Variants in KCNIP1 observed in about 807,000 individuals in gnomAD.
KCNIP1 encodes the protein potassium voltage-gated channel interacting protein 1, also known as A-type potassium channel modulatory protein KCNIP1.
Under a neutral mutation model 33.0 loss-of-function variants are expected in KCNIP1, and 18 were observed. That is an observed-to-expected ratio of 0.55 (90% CI 0.38 to 0.81). The LOEUF is 0.81. KCNIP1 is among the 30% of genes least tolerant of loss of function. KCNIP1 has a pLI of 0.00. For missense variants in KCNIP1, 238 were observed against 271.6 expected, an observed-to-expected ratio of 0.88 and a Z score of 0.87; for synonymous variants, 93 against 98.3, an observed-to-expected ratio of 0.95 and a Z score of 0.32.
chr5:170,387,841 C>T (rs1764540326), intron 1 of KCNIP1, among the ~76,000 whole-genome samples: 1 of 152,216 alleles, frequency 6.6e-6, no homozygotes, highest in Non-Finnish European at 1.5e-5. Context: ...CCAGGACCTG[C>T]AAGGGTCACT....
chr5:170,656,942 T>C (rs140164184), intron 1 of KCNIP1, among the ~76,000 whole-genome samples: 1 of 151,962 alleles, frequency 6.6e-6, no homozygotes, highest in African/African-American at 2.4e-5. Flanking sequence ...TGGCTGACCA[T>C]GTGCACAGAC....
intron 1 of KCNIP1, among the ~76,000 whole-genome samples, chr5:170,399,558 T>C (rs76808847): frequency 0.089 from 13,537 of 152,230 alleles, 712 homozygotes; most frequent in Middle Eastern, 0.22. Flanking sequence ...TCAATCAAGA[T>C]TCAATATCCT....
chr5:170,397,465 C>CA (rs1189222201), intron 1 of KCNIP1, among the ~76,000 whole-genome samples: 2 of 151,588 alleles, frequency 1.3e-5, no homozygotes, highest in Non-Finnish European at 2.9e-5. Context: ...TAGGTAAGAG[C>CA]AAAAAAAGAG....
At chr5:170,547,457 G>A (rs1240666881) in intron 1 of KCNIP1, among the ~76,000 whole-genome samples, 2 of 152,074 alleles carry the variant, frequency 1.3e-5, no homozygotes, top group Non-Finnish European at 2.9e-5. Context: ...GGGGTTTGTT[G>A]AACAGATTAT....
chr5:170,469,958 G>A (rs1387009153), intron 1 of KCNIP1, among the ~76,000 whole-genome samples: 3 of 152,302 alleles, frequency 2.0e-5, no homozygotes, highest in South Asian at 2.1e-4. Context: ...AGGGACAGCA[G>A]AGGTTCACGT....
chr5:170,697,639 C>T (rs888899141), intron 1 of KCNIP1, among the ~76,000 whole-genome samples: 4 of 152,176 alleles, frequency 2.6e-5, no homozygotes, highest in African/African-American at 7.2e-5. Context: ...AGAGCCTAGC[C>T]CTCTAATGCA....
intron 1 of KCNIP1, among the ~76,000 whole-genome samples, chr5:170,684,322 C>A (rs1762467934): frequency 6.6e-6 from 1 of 152,180 alleles, no homozygotes; most frequent in Admixed American, 6.5e-5. Context: ...AGGAGGCTAG[C>A]AGTTTGAAAT....
At chr5:170,567,960 C>T (rs1198166286) in intron 1 of KCNIP1, among the ~76,000 whole-genome samples, 3 of 152,160 alleles carry the variant, frequency 2.0e-5, no homozygotes, top group East Asian at 1.9e-4. Flanking sequence ...CAGGATGGCT[C>T]GGGTGTGTGG....
intron 1 of KCNIP1, among the ~76,000 whole-genome samples, chr5:170,667,961 C>T (rs1305302318): frequency 1.3e-5 from 2 of 152,162 alleles, no homozygotes; most frequent in Non-Finnish European, 2.9e-5. Flanking sequence ...TTTACAGAAT[C>T]TCATTGGCTC....
chr5:170,573,784 G>A (rs1317601991), intron 1 of KCNIP1, among the ~76,000 whole-genome samples: 1 of 152,262 alleles, frequency 6.6e-6, no homozygotes, highest in Non-Finnish European at 1.5e-5. Context: ...AGACAGTGGA[G>A]TTGAGTCATT....
intron 1 of KCNIP1, among the ~76,000 whole-genome samples, chr5:170,367,612 G>A (rs539200237): frequency 1.0e-3 from 152 of 152,220 alleles, no homozygotes; most frequent in African/African-American, 3.2e-3. Flanking sequence ...TAAAACCAAA[G>A]GAGACCTCTC....
At chr5:170,453,192 C>A (rs191140415) in intron 1 of KCNIP1, among the ~76,000 whole-genome samples, 3 of 152,290 alleles carry the variant, frequency 2.0e-5, no homozygotes, top group Non-Finnish European at 4.4e-5. Context: ...CCTGAAGGAG[C>A]ATTTGCTCTC....
chr5:170,598,889 CTGTG>C (rs10533640), intron 1 of KCNIP1, among the ~76,000 whole-genome samples: 32 of 141,836 alleles, frequency 2.3e-4, no homozygotes, highest in African/African-American at 5.3e-4. Context: ...CATAGCCCCG[CTGTG>C]TGTGTGTGCG....
At chr5:170,495,257 C>A (rs1393659392) in intron 1 of KCNIP1, among the ~76,000 whole-genome samples, 1 of 152,214 alleles carries the variant, frequency 6.6e-6, no homozygotes, top group Non-Finnish European at 1.5e-5. Context: ...GCTTCCTGTG[C>A]ATTCTGTGGT....
At chr5:170,720,490 G>A (rs1763781564) in intron 3 of KCNIP1, 100 bp downstream of exon 3, 11 of 941,302 alleles carry the variant, frequency 1.2e-5, no homozygotes, top group South Asian at 4.1e-5. Flanking sequence ...CTTCCTTCTC[G>A]AGGAAGAGAC....
chr5:170,590,807 A>G (rs1758220920), intron 1 of KCNIP1, among the ~76,000 whole-genome samples: 1 of 152,246 alleles, frequency 6.6e-6, no homozygotes, highest in Non-Finnish European at 1.5e-5. Flanking sequence ...CAGCCAGTGC[A>G]GCTCAGAGTG....
At chr5:170,425,276 T>C (rs1044166527) in intron 1 of KCNIP1, among the ~76,000 whole-genome samples, 7 of 152,202 alleles carry the variant, frequency 4.6e-5, no homozygotes, top group Admixed American at 4.6e-4. Flanking sequence ...TAACTATTAC[T>C]TAAATAAATG....
intron 1 of KCNIP1, chr5:170,374,761 A>C (rs1024169725): frequency 2.0e-5 from 3 of 152,134 alleles, no homozygotes; most frequent in Admixed American, 2.0e-4. Flanking sequence ...ACAGGGTCTA[A>C]CTCCATCATG....
At chr5:170,560,570 G>A (rs1013022064) in intron 1 of KCNIP1, among the ~76,000 whole-genome samples, 8 of 152,070 alleles carry the variant, frequency 5.3e-5, no homozygotes, top group African/African-American at 1.9e-4. Context: ...CGGGGATCAG[G>A]GACCAGGATG....
Sources: gnomAD v4.1 joint callset for allele counts (sites outside exome capture counted in the v4.1 genomes callset) on GRCh38, gnomAD v4.1.1 for gene constraint, MANE v1.5 for transcripts, NCBI Gene and HGNC (gene_info 2026-07-23, HGNC 2026-07-21) for gene names.